Variants in SULT6B1 observed in about 807,000 individuals in gnomAD.
SULT6B1 encodes sulfotransferase family 6B member 1.
Under a neutral mutation model 37.2 loss-of-function variants are expected in SULT6B1, and 44 were observed. The observed-to-expected ratio is 1.18, with a 90% CI of 0.93 to 1.52. The LOEUF (loss-of-function observed/expected upper bound fraction) is 1.52, where lower values mean the gene tolerates loss of function less well. Ranked by LOEUF, SULT6B1 falls within the 40% of genes most tolerant of loss-of-function variation. SULT6B1 has a pLI of 0.00. For missense variants in SULT6B1, 450 were observed against 361.0 expected, an observed-to-expected ratio of 1.25 and a Z score of -2.00; for synonymous variants, 140 against 126.0, an observed-to-expected ratio of 1.11 and a Z score of -0.74.
chr2:37,189,008 G>T (rs1271375903), upstream of SULT6B1, among the ~76,000 whole-genome samples: 1 of 152,174 alleles, frequency 6.6e-6, no homozygotes, highest in African/African-American at 2.4e-5. Context: ...TGAAACCTCA[G>T]TTCTCTTCTG....
chr2:37,179,488 C>T lies in SULT6B1; in HGVS notation c.499G>A (p.Glu167Lys). 6.2e-7 allele frequency: 1 copy of T among 1,613,982 alleles called. No homozygotes were observed. Among genetic ancestry groups the T allele is most frequent in the Non-Finnish European group, 8.5e-7 (1 of 1,179,974 alleles). The change falls in exon 4 of 7, where the codon GAA (glutamate) becomes AAA (lysine). Residue 167 changes from glutamate (E) to lysine (K), a missense_variant. Physicochemically the swap from Glu to Lys is moderately conservative, Grantham distance 56. Coordinates refer to ENST00000535679, the MANE Select transcript of SULT6B1 (RefSeq NM_001367551.1). Reference protein sequence around the residue: ...PDIPSYGSWDEFFRQFMKGQV... With the variant: ...PDIPSYGSWDKFFRQFMKGQV... ...CCTTTCATGAACTGTCTGAAGAATT[C>T]ATCCCAAGAGCCATAGCTTGGAATA...
At chr2:37,178,570 A>G (rs1422591710) in intron 4 of SULT6B1, among the ~76,000 whole-genome samples, 1 of 151,900 alleles carries the variant, frequency 6.6e-6, no homozygotes, top group African/African-American at 2.4e-5. Flanking sequence ...CATCTGTACA[A>G]TGGGGCTAAT....
At chr2:37,173,293 C>T (rs894710212) in intron 5 of SULT6B1, among the ~76,000 whole-genome samples, 22 of 152,164 alleles carry the variant, frequency 1.4e-4, no homozygotes, top group African/African-American at 4.6e-4. Flanking sequence ...TCAGTAGCCC[C>T]CGCTTCCTGG....
rs191963546 is a variant in SULT6B1, at chr2:37,171,093, A to G, written c.781+341T>C. Among the ~76,000 whole-genome samples, 331 of 152,148 alleles carry G rather than the reference A, an allele frequency of 2.2e-3. 2 individuals carry two copies. The highest frequency in any genetic ancestry group is 5.9e-3 in the African/African-American group (243 of 41,516). The stretch of plus-strand genomic sequence containing the variant: ...CTTTACTAAAAATACAAAAAAATTA[A>G]CTGGGTGTGGTGGCACGCGCCTGTT... On this transcript the variant is annotated intron_variant, in intron 6 of 6. Transcript: ENST00000535679.
chr2:37,174,915 T>C (rs565956005), intron 5 of SULT6B1, among the ~76,000 whole-genome samples: 3 of 152,364 alleles, frequency 2.0e-5, no homozygotes, highest in African/African-American at 7.2e-5. Context: ...CAGTCACTTT[T>C]AGTAATAAGT....
upstream of SULT6B1, chr2:37,191,295 G>A (rs550405101): frequency 6.6e-6 from 1 of 151,738 alleles, no homozygotes; most frequent in Admixed American, 6.6e-5. Flanking sequence ...TATTTTCTGA[G>A]GAGAGAGATT....
chr2:37,180,545 A>C (rs1332840914), intron 3 of SULT6B1, among the ~76,000 whole-genome samples: 1 of 152,154 alleles, frequency 6.6e-6, no homozygotes, highest in Non-Finnish European at 1.5e-5. Flanking sequence ...TCTCCTACAG[A>C]AAAAGTAAGA....
In SULT6B1 at chr2:37,175,113, A is replaced by G. The variant is rs369610671; in HGVS notation, c.624+19T>C. On this transcript the variant is annotated intron_variant, in intron 5 of 6. Transcript: ENST00000535679. ...AGTTTACAATAAATTTTGCTCTAAA[A>G]TATCAATAATAATCTCACCTCTTTC... The G allele has an allele frequency of 2.0e-6, 3 of 1,473,362 alleles. No homozygotes were observed. The highest frequency in any genetic ancestry group is 2.7e-6 in the Non-Finnish European group (3 of 1,091,234). The allele number at this position is 1,473,362 out of a possible 1,614,324, so 91.3% of individuals were successfully genotyped here.
At chr2:37,195,578 A>G (rs963724199) in intron 1 of SULT6B1, among the ~76,000 whole-genome samples, 2 of 152,142 alleles carry the variant, frequency 1.3e-5, no homozygotes, top group African/African-American at 2.4e-5. Flanking sequence ...CAAGGCCCTT[A>G]TCATTGTGTA....
rs556097812 is a variant in SULT6B1 at position 37,168,658 on chromosome 2, C to T, written c.782-593G>A. Among the ~76,000 whole-genome samples the T allele has an allele frequency of 2.2e-4, 33 of 152,270 alleles. No homozygotes were observed. The South Asian group carries it at 6.8e-3, about 32-fold the overall frequency. On this transcript the variant is annotated intron_variant, in intron 6 of 6. Coordinates refer to ENST00000535679, the MANE Select transcript of SULT6B1 (RefSeq NM_001367551.1). The stretch of plus-strand genomic sequence containing the variant: ...TCCACTTTTTGAGAATGATATTTTT[C>T]TCTGTAAAGTCTCTTAAAGACTTTA...
At chr2:37,168,156 T>A in intron 6 of SULT6B1, 91 bp from the exon 7 acceptor site, 1 of 1,281,756 alleles carries the variant, frequency 7.8e-7, no homozygotes, top group Non-Finnish European at 1.0e-6. Context: ...CACTCTGATA[T>A]GTTAAAATGG....
upstream of SULT6B1, among the ~76,000 whole-genome samples, chr2:37,193,591 GAAGAAA>G (rs1212415545): frequency 0.032 from 3,765 of 116,978 alleles, 65 homozygotes; most frequent in East Asian, 0.071. Flanking sequence ...AAAAGAAGAA[GAAGAAA>G]AAGAAGAAGA....
chr2:37,187,460 G>A lies in SULT6B1; in HGVS notation c.207C>T (p.Asn69=). The A allele has an allele frequency of 1.9e-6, 3 of 1,571,404 alleles. No homozygotes were observed. The highest frequency in any genetic ancestry group is 2.6e-6 in the Non-Finnish European group (3 of 1,151,054). The part of the protein sequence containing the change: ...VLASYPKCGS[N]WILHIVSELI... ...ATTCACTGACAATGTGGAGAATCCA[G>A]TTTGAACCTATCAGAAAAATCAGAG... Residue 69 remains asparagine (N), a synonymous_variant, in exon 2 of 7, where the codon AAC becomes AAT. Coordinates refer to ENST00000535679, the MANE Select transcript of SULT6B1 (RefSeq NM_001367551.1).
At position 37,170,631 on chromosome 2, in the gene SULT6B1, C is replaced by T. The variant is rs182100242; in HGVS notation, c.781+803G>A. 1.7e-4 allele frequency among the ~76,000 whole-genome samples: 26 copies of T among 149,424 alleles called. No homozygotes were observed. In the East Asian group the frequency reaches 3.0e-3, roughly 17 times the overall value. ...TAAAAATACAAAAAAATTAGCCAGG[C>T]GTGGTGGCGCACACAAGAATCTCTT... is the stretch of plus-strand genomic sequence containing the variant. On this transcript the variant is annotated intron_variant, in intron 6 of 6. Transcript: ENST00000535679.
intron 6 of SULT6B1, among the ~76,000 whole-genome samples, chr2:37,168,619 C>G (rs977964425): frequency 6.6e-6 from 1 of 152,184 alleles, no homozygotes; most frequent in Non-Finnish European, 1.5e-5. Flanking sequence ...CTCCAAACAC[C>G]TAGAACTTAA....
chr2:37,193,361 C>T (rs1437858338), upstream of SULT6B1, among the ~76,000 whole-genome samples: 1 of 150,702 alleles, frequency 6.6e-6, no homozygotes, highest in Non-Finnish European at 1.5e-5. Flanking sequence ...ACTTGGGAGG[C>T]CAAGGCAAGA....
intron 1 of SULT6B1, chr2:37,194,378 C>G: frequency 2.7e-6 from 1 of 371,072 alleles, no homozygotes; most frequent in Middle Eastern, 1.0e-3. Context: ...CCGTGCCTGG[C>G]TGACTATCTG....
intron 1 of SULT6B1, 89 bp downstream of exon 1, chr2:37,188,353 G>C (rs11124566): frequency 0.67 from 745,980 of 1,115,478 alleles, 253,136 homozygotes; most frequent in East Asian, 0.92. Flanking sequence ...CCTGCAATGA[G>C]GAACCGCCTT....
At chr2:37,175,836 T>G (rs909062499) in intron 4 of SULT6B1, among the ~76,000 whole-genome samples, 1 of 152,216 alleles carries the variant, frequency 6.6e-6, no homozygotes, top group African/African-American at 2.4e-5. Context: ...ATGCTAAATT[T>G]TTATTGAAAA....
Sources: gnomAD v4.1 joint callset for allele counts (sites outside exome capture counted in the v4.1 genomes callset) on GRCh38, gnomAD v4.1.1 for gene constraint, MANE v1.5 for transcripts, NCBI Gene and HGNC (gene_info 2026-07-23, HGNC 2026-07-21) for gene names.